Variants in SFTPB observed in about 807,000 individuals in gnomAD.
SFTPB encodes the protein pulmonary surfactant-associated protein B.
A neutral mutation model predicts 51.0 loss-of-function variants in SFTPB; 32 were observed. The observed-to-expected ratio is 0.63, with a 90% CI of 0.47 to 0.84. SFTPB has a LOEUF of 0.84. Among genes scored for constraint, SFTPB ranks in the 40% least tolerant of loss-of-function variants. The probability of loss-of-function intolerance (pLI) is 0.00; values close to 1 mark genes in which losing one functional copy is unlikely to be tolerated. For synonymous variants in SFTPB, 211 were observed against 208.5 expected (o/e 1.01, Z -0.10); for missense variants, 431 against 491.2 (o/e 0.88, Z 1.16).
chr2:85,666,386 G>T lies in SFTPB; in HGVS notation c.393+231C>A, dbSNP rs1677612700. 4 of 476,092 alleles carry T rather than the reference G, an allele frequency of 8.4e-6. 1 individual carries two copies. Among genetic ancestry groups the T allele is most frequent in the Non-Finnish European group, 1.2e-5 (3 of 257,518 alleles). 29.5% of individuals were successfully genotyped at this position (476,092 alleles called of 1,614,324 possible). On this transcript the variant is annotated intron_variant, in intron 4 of 10. Coordinates refer to ENST00000519937, the MANE Select transcript of SFTPB (RefSeq NM_000542.5). ...GTGTGTGTGTGTGTCCGGCCAGCTG[G>T]GGTACTGTGTGTGTGTGTGTCCGGC...
chr2:85,666,396 T>G, intron 4 of SFTPB: 2 of 525,378 alleles, frequency 3.8e-6, no homozygotes, highest in East Asian at 3.6e-5. Flanking sequence ...GGGTACTGTG[T>G]GTGTGTGTGT....
At chr2:85,662,840 CAAAAAAAAAAAAAAAA>C (rs34015129) in intron 8 of SFTPB, among the ~76,000 whole-genome samples, 3 of 27,662 alleles carry the variant, frequency 1.1e-4, no homozygotes, top group African/African-American at 2.5e-4. Flanking sequence ...AACTCCATCT[CAAAAAAAAAAAAAAAA>C]AAAAAAAAAA....
intron 10 of SFTPB, among the ~76,000 whole-genome samples, chr2:85,660,153 C>A (rs1281592521): frequency 6.7e-6 from 1 of 148,638 alleles, no homozygotes; most frequent in Admixed American, 6.7e-5. Flanking sequence ...GACGGAGTCT[C>A]ACTCTGTCAC....
chr2:85,661,347 C>T (rs964676516), intron 10 of SFTPB, 107 bp downstream of exon 10: 11 of 763,776 alleles, frequency 1.4e-5, no homozygotes, highest in South Asian at 7.6e-5. Context: ...ATGGAGCAGC[C>T]GGCAGGAGTG....
chr2:85,661,967 A>T, intron 9 of SFTPB, 62 bp downstream of exon 9: 1 of 1,521,348 alleles, frequency 6.6e-7, no homozygotes, highest in Non-Finnish European at 8.9e-7. Context: ...TCACGGGCCC[A>T]AAGGGTGGGG....
Position 85,666,640 on chromosome 2 carries a change from T to C in SFTPB, c.370A>G (p.Ile124Val). ...QVLDDYFPLV[I>V]DYFQNQTDSN... The stretch of plus-strand genomic sequence containing the variant: ...ACAGTCTGGTTCTGGAAGTAGTCGA[T>C]GACCAGGGGGAAGTAGTCGTCAAGC... The change falls in exon 4 of 11, where the codon ATC becomes GTC. Residue 124 changes from isoleucine to valine, a missense_variant. By Grantham distance (29) the Ile-to-Val change is conservative (BLOSUM62 3). Transcript: ENST00000519937. 1 of 1,613,640 alleles carries C rather than the reference T, an allele frequency of 6.2e-7. No homozygotes were observed. Among genetic ancestry groups the C allele is most frequent in the Non-Finnish European group, 8.5e-7 (1 of 1,179,766 alleles).
intron 8 of SFTPB, 164 bp from the exon 9 acceptor site, chr2:85,662,273 G>A: frequency 6.8e-7 from 1 of 1,471,758 alleles, no homozygotes; most frequent in Non-Finnish European, 9.1e-7. Flanking sequence ...TAACAAACTG[G>A]AGCCAGCTGA....
At chr2:85,668,311 T>C (rs538702503), upstream of SFTPB, 41 of 857,568 alleles carry the variant, frequency 4.8e-5, 1 homozygote, top group South Asian at 6.0e-4. Flanking sequence ...TCCAGGTGCT[T>C]GATCCCACCT....
At chr2:85,662,389 G>T in intron 8 of SFTPB, 2 of 957,328 alleles carry the variant, frequency 2.1e-6, no homozygotes, top group East Asian at 3.8e-5. Context: ...CTCCATTTCA[G>T]TTCTAGAAGG....
rs370664458 is a variant in SFTPB, at chr2:85,663,283, C to G, written c.1002+63G>C. 5.9e-4 allele frequency: 951 copies of G among 1,598,800 alleles called. 10 individuals carry two copies. The South Asian group carries it at 8.0e-3, about 13-fold the overall frequency. On this transcript the variant is annotated intron_variant, in intron 8 of 10. Coordinates refer to ENST00000519937, the MANE Select transcript of SFTPB (RefSeq NM_000542.5). Reference sequence around the variant, plus strand: ...GGTGTCTCTGGCTGCAAAGCCTTTCCTGGGCTCAGCCTTCTGCCTTGAACG... The same window carrying G: ...GGTGTCTCTGGCTGCAAAGCCTTTCGTGGGCTCAGCCTTCTGCCTTGAACG...
At chr2:85,661,034 C>T (rs1240864328) in intron 10 of SFTPB, among the ~76,000 whole-genome samples, 3 of 152,160 alleles carry the variant, frequency 2.0e-5, no homozygotes, top group Non-Finnish European at 4.4e-5. Flanking sequence ...GTCAGATGAT[C>T]ACGGCCTTCC....
intron 8 of SFTPB, 125 bp downstream of exon 8, chr2:85,663,221 C>T (rs1270114684): frequency 7.6e-7 from 1 of 1,313,766 alleles, no homozygotes; most frequent in African/African-American, 1.4e-5. Context: ...GCCCCACATC[C>T]TGTCTGCCTG....
chr2:85,661,400 C>T, intron 10 of SFTPB, 54 bp downstream of exon 10: 1 of 1,313,848 alleles, frequency 7.6e-7, no homozygotes, highest in Non-Finnish European at 1.1e-6. Flanking sequence ...CTCCCATGCC[C>T]TGATGGTCAG....
chr2:85,668,137 G>A lies in SFTPB; in HGVS notation c.47C>T (p.Thr16Met), dbSNP rs1490852263. The change falls in exon 1 of 11, where the codon ACG becomes ATG. Residue 16 changes from threonine (T) to methionine (M), a missense_variant. Physicochemically the swap from Thr to Met is moderately conservative, Grantham distance 81. Coordinates refer to ENST00000519937, the MANE Select transcript of SFTPB (RefSeq NM_000542.5). ...CTCACCAGTGCCTGGGCCACAGAGC[G>A]TGGGCAGCAGCAGCAGCAGCCACTG... The part of the protein sequence containing the change: ...LLQWLLLLLP[T>M]LCGPGTAAWT... 18 of 1,551,104 alleles carry A rather than the reference G, an allele frequency of 1.2e-5. No individual in the cohort carries two copies. Among genetic ancestry groups the A allele is most frequent in the East Asian group, 2.4e-5 (1 of 40,936 alleles).
chr2:85,661,594 C>T, intron 9 of SFTPB, 59 bp from the exon 10 acceptor site: 1 of 1,434,348 alleles, frequency 7.0e-7, no homozygotes, highest in African/African-American at 1.4e-5. Context: ...CCACACCCAG[C>T]TCTTCCGGGA....
chr2:85,661,611 AG>A, intron 9 of SFTPB, 76 bp from the exon 10 acceptor site: 1 of 1,260,786 alleles, frequency 7.9e-7, no homozygotes, highest in Non-Finnish European at 1.1e-6. Flanking sequence ...GGGAAAGAAC[AG>A]CACTCACTCC....
At chr2:85,662,417 G>C in intron 8 of SFTPB, 1 of 659,582 alleles carries the variant, frequency 1.5e-6, no homozygotes, top group Non-Finnish European at 2.2e-6. Context: ...ACGTTCATCT[G>C]GTCCTTGAGA....
chr2:85,666,215 C>CTCTG (rs72124190), intron 4 of SFTPB, among the ~76,000 whole-genome samples: 511 of 96,432 alleles, frequency 5.3e-3, no homozygotes, highest in African/African-American at 8.8e-3. Flanking sequence ...TGTGTGTGTG[C>CTCTG]TGTGTGTGTG....
intron 5 of SFTPB, 89 bp downstream of exon 5, chr2:85,665,517 G>C: frequency 3.3e-6 from 5 of 1,508,310 alleles, no homozygotes; most frequent in Non-Finnish European, 4.6e-6. Flanking sequence ...TCCCGGCTCT[G>C]CCTCTCCCAG....
Sources: gnomAD v4.1 joint callset for allele counts (sites outside exome capture counted in the v4.1 genomes callset) on GRCh38, gnomAD v4.1.1 for gene constraint, MANE v1.5 for transcripts, NCBI Gene and HGNC (gene_info 2026-07-23, HGNC 2026-07-21) for gene names.